Variants in CIITA observed in about 807,000 individuals in gnomAD.
CIITA encodes MHC class II transactivator.
In CIITA, 72 loss-of-function variants were observed where a neutral mutation model predicts 115.1. The ratio of observed to expected loss-of-function variants is 0.63; its 90% CI spans 0.52 to 0.76. The LOEUF is 0.76. CIITA is among the 30% of genes least tolerant of loss of function. The pLI, the probability that CIITA is intolerant of heterozygous loss-of-function variation, is 0.00. For synonymous variants in CIITA, 763 were observed against 635.6 expected, an observed-to-expected ratio of 1.20 and a Z score of -3.02; for missense variants, 1,617 against 1,463.8, an observed-to-expected ratio of 1.10 and a Z score of -1.71.
At chr16:10,899,058 T>C in intron 5 of CIITA, 56 bp downstream of exon 5, 1 of 1,562,610 alleles carries the variant, frequency 6.4e-7, no homozygotes, top group Non-Finnish European at 8.8e-7. Flanking sequence ...GGCCTTTCCT[T>C]GACTCCAAAG....
At chr16:10,888,235 T>A (rs2037159527) in intron 1 of CIITA, 1 of 152,160 alleles carries the variant, frequency 6.6e-6, no homozygotes, top group Non-Finnish European at 1.5e-5. Context: ...ACTCCCCTAA[T>A]CCTATGAGTT....
chr16:10,891,945 G>A (rs1404791485), intron 1 of CIITA, among the ~76,000 whole-genome samples: 2 of 152,216 alleles, frequency 1.3e-5, no homozygotes, highest in African/African-American at 4.8e-5. Context: ...CCCCAGCTTG[G>A]ACTGGAAAGA....
At chr16:10,900,556 A>G (rs2038623298) in intron 5 of CIITA, among the ~76,000 whole-genome samples, 1 of 152,074 alleles carries the variant, frequency 6.6e-6, no homozygotes. Flanking sequence ...CCTGGCCAAC[A>G]TGGTGAAACC....
At chr16:10,908,821 C>CA in intron 11 of CIITA, 1 of 694,360 alleles carries the variant, frequency 1.4e-6, no homozygotes, top group East Asian at 2.7e-5. Context: ...GTAGCCGAAG[C>CA]AAAAAGGGAA....
rs894594995 is a variant in CIITA, at chr16:10,924,393, C to G, written c.*538C>G. 3 of 152,292 alleles carry G rather than the reference C, an allele frequency of 2.0e-5. No individual in the cohort carries two copies. Among genetic ancestry groups the G allele is most frequent in the African/African-American group, 7.2e-5 (3 of 41,446 alleles). The allele number at this position is 152,292 out of a possible 1,614,324, so 9.4% of individuals were successfully genotyped here. On this transcript the variant is annotated 3_prime_UTR_variant, in exon 20 of 20. Transcript: ENST00000324288. ...GGACTACAGGCACCCACCATCATGTCTGGCTAATTTTTCATTTTTAGTAGA... is the reference window on the plus strand; with the variant it reads ...GGACTACAGGCACCCACCATCATGTGTGGCTAATTTTTCATTTTTAGTAGA...
In CIITA at chr16:10,879,518, C is replaced by T. The variant is rs2036196735; in HGVS notation, c.52+2136C>T. ...ACTCTGGAATCTTGGGTATTGGGCT[C>T]TCCAGGCGGGGGGCCCTGCTCAGGG... On this transcript the variant is annotated intron_variant, in intron 1 of 19. Transcript: ENST00000324288. The surrounding 1 kb of genome is among the most constrained non-coding windows in gnomAD (Gnocchi z 4.3). Among the ~76,000 whole-genome samples the T allele has an allele frequency of 1.3e-5, 2 of 152,280 alleles. No individual in the cohort carries two copies. The highest frequency in any genetic ancestry group is 3.9e-4 in the East Asian group (2 of 5,172).
At chr16:10,898,818 A>G (rs992327449) in intron 4 of CIITA, 86 bp downstream of exon 4, 2 of 1,594,960 alleles carry the variant, frequency 1.3e-6, no homozygotes, top group Non-Finnish European at 1.7e-6. Flanking sequence ...CCTGACGACC[A>G]TTCATTGATG....
chr16:10,907,847 G>C lies in CIITA; in HGVS notation c.2355G>C (p.Lys785Asn). ...GPSAAASVDR[K>N]QKVLARYLKR... ...CGGCGGCTGCCTCGGTGGACAGGAAGCAGAAGGTGCTTGCGAGGTACCTGA... is the reference window on the plus strand; with the variant it reads ...CGGCGGCTGCCTCGGTGGACAGGAACCAGAAGGTGCTTGCGAGGTACCTGA... The change falls in exon 11 of 20, where the codon AAG becomes AAC. Residue 785 changes from lysine (K) to asparagine (N), a missense_variant. Coordinates refer to ENST00000324288, the MANE Select transcript of CIITA (RefSeq NM_000246.4). The surrounding 1 kb of genome is among the most constrained non-coding windows in gnomAD (Gnocchi z 5.0). 6.2e-7 allele frequency: 1 copy of C among 1,613,080 alleles called. No homozygotes were observed. The highest frequency in any genetic ancestry group is 8.5e-7 in the Non-Finnish European group (1 of 1,179,544).
Position 10,941,591 on chromosome 16 carries a change from T to C in CIITA, n.717T>C, listed in dbSNP as rs541195130. Reference sequence around the variant, plus strand: ...TACAGGCCTCGGAGGCAGGGGAGGGTCTCCTCCTGGGGAACCATCCCCGTC... The same window carrying C: ...TACAGGCCTCGGAGGCAGGGGAGGGCCTCCTCCTGGGGAACCATCCCCGTC... On this transcript the variant is annotated non_coding_transcript_exon_variant, in exon 2 of 2. Coordinates refer to the CIITA transcript ENST00000573379. This position sits in a 1 kb window ranked among gnomAD's most constrained non-coding sequence, Gnocchi z 6.4. The C allele has an allele frequency of 1.1e-4, 166 of 1,467,650 alleles. No homozygotes were observed. The East Asian group carries it at 4.0e-3, about 35-fold the overall frequency. 90.9% of individuals were successfully genotyped at this position (1,467,650 alleles called of 1,614,324 possible).
rs1567359455 is a variant in CIITA, at chr16:10,879,177, C to T, written c.52+1795C>T. 5.6e-6 allele frequency: 1 copy of T among 178,080 alleles called. No homozygotes were observed. Among genetic ancestry groups the T allele is most frequent in the Non-Finnish European group, 1.2e-5 (1 of 82,932 alleles). 11.0% of individuals were successfully genotyped at this position (178,080 alleles called of 1,614,324 possible). A position where few individuals can be genotyped will look rare whatever the true frequency, so the allele number is the denominator to read the frequency against. On this transcript the variant is annotated intron_variant, in intron 1 of 19. Transcript: ENST00000324288. This position sits in a 1 kb window ranked among gnomAD's most constrained non-coding sequence, Gnocchi z 4.3. ...GGATGGAATATGCAAAATGTAGGGC[C>T]GGGAAACACCTCGTTTCCAGCATCC...
chr16:10,879,796 G>A lies in CIITA; in HGVS notation c.52+2414G>A, dbSNP rs2036235340. Among the ~76,000 whole-genome samples, 1 of 152,124 alleles carries A rather than the reference G, an allele frequency of 6.6e-6. No individual in the cohort carries two copies. Among genetic ancestry groups the A allele is most frequent in the Non-Finnish European group, 1.5e-5 (1 of 68,030 alleles). On this transcript the variant is annotated intron_variant, in intron 1 of 19. Coordinates refer to ENST00000324288, the MANE Select transcript of CIITA (RefSeq NM_000246.4). The surrounding 1 kb of genome is among the most constrained non-coding windows in gnomAD (Gnocchi z 4.3). Reference sequence around the variant, plus strand: ...GGGAGTGGGAGATTGGATCTCCCTGGGGTCCAGGAAAGCCGGAATCGGAGC... The same window carrying A: ...GGGAGTGGGAGATTGGATCTCCCTGAGGTCCAGGAAAGCCGGAATCGGAGC...
chr16:10,877,906 G>A (rs1250812969), intron 1 of CIITA, among the ~76,000 whole-genome samples: 1 of 152,180 alleles, frequency 6.6e-6, no homozygotes, highest in Non-Finnish European at 1.5e-5. Context: ...TCAGGGGACG[G>A]GGGAACAGAT....
chr16:10,906,396 G>T, intron 10 of CIITA, 103 bp from the exon 11 acceptor site: 1 of 1,334,254 alleles, frequency 7.5e-7, no homozygotes, highest in African/African-American at 1.4e-5. Flanking sequence ...AAAACTGTGT[G>T]GGGAACAGAT....
chr16:10,891,550 T>C (rs911913158), intron 1 of CIITA, among the ~76,000 whole-genome samples: 1 of 151,952 alleles, frequency 6.6e-6, no homozygotes, highest in African/African-American at 2.4e-5. Context: ...ATTCACGGAG[T>C]TGCTAGGATC....
At chr16:10,880,207 G>GA (rs2036279854) in intron 1 of CIITA, among the ~76,000 whole-genome samples, 1 of 152,102 alleles carries the variant, frequency 6.6e-6, no homozygotes, top group African/African-American at 2.4e-5. Context: ...ACTGAGTGGG[G>GA]AATCCCAGGC....
intron 13 of CIITA, among the ~76,000 whole-genome samples, chr16:10,915,331 T>A (rs1354447139): frequency 2.0e-5 from 3 of 152,072 alleles, no homozygotes; most frequent in Admixed American, 2.0e-4. Context: ...ATTACAGACA[T>A]GAGCCACTGT....
chr16:10,887,540 G>C (rs2083413722), intron 1 of CIITA, among the ~76,000 whole-genome samples: 2 of 151,614 alleles, frequency 1.3e-5, no homozygotes, highest in South Asian at 4.2e-4. Context: ...CTGTCACCGA[G>C]GCTGGAGTGC....
intron 1 of CIITA, among the ~76,000 whole-genome samples, chr16:10,891,281 T>C (rs931066909): frequency 8.4e-6 from 1 of 118,968 alleles, no homozygotes; most frequent in Non-Finnish European, 1.8e-5. Flanking sequence ...GCAGGGGGAG[T>C]GGGGGAGAAG....
At chr16:10,896,589 T>C (rs927006101) in intron 3 of CIITA, among the ~76,000 whole-genome samples, 1 of 152,116 alleles carries the variant, frequency 6.6e-6, no homozygotes, top group African/African-American at 2.4e-5. Flanking sequence ...AGAGCCTATG[T>C]TGAAATAGAA....
Sources: gnomAD v4.1 joint callset for allele counts (sites outside exome capture counted in the v4.1 genomes callset) on GRCh38, gnomAD v4.1.1 for gene constraint, Gnocchi (gnomAD v3.1) non-coding constraint, MANE v1.5 for transcripts, NCBI Gene and HGNC (gene_info 2026-07-23, HGNC 2026-07-21) for gene names.